DMD: variants seen among roughly 807,000 people sequenced by gnomAD.
DMD encodes mutant dystrophin.
DMD carries 63 observed loss-of-function variants against 330.1 expected under a neutral mutation model. That is an observed-to-expected ratio of 0.19 (90% CI 0.16 to 0.24). The LOEUF is 0.24. Among genes scored for constraint, DMD ranks in the 10% least tolerant of loss-of-function variants. DMD has a pLI of 1.00. For synonymous variants in DMD, 1,223 were observed against 959.8 expected (o/e 1.27, Z -5.07); for missense variants, 3,344 against 2,684.1 (o/e 1.25, Z -5.43).
At chrX:32,923,114 G>A (rs1212851475) in intron 2 of DMD, among the ~76,000 whole-genome samples, 2 of 111,603 alleles carry the variant, frequency 1.8e-5, no homozygotes, top group South Asian at 3.7e-4. Flanking sequence ...CACTTTTACC[G>A]TTAGAAAGAG....
intron 39 of DMD, 121 bp downstream of exon 39, chrX:32,345,822 C>G (rs950940690): frequency 4.6e-5 from 33 of 711,825 alleles, no homozygotes; most frequent in Middle Eastern, 9.5e-4. Flanking sequence ...ACACATTGAA[C>G]AGAAAAAGTG....
At chrX:33,124,956 G>A (rs762439710) in intron 1 of DMD, among the ~76,000 whole-genome samples, 8 of 104,115 alleles carry the variant, frequency 7.7e-5, no homozygotes, top group East Asian at 6.0e-4. Context: ...CCCAAGAGGC[G>A]GAGGTTGCGG....
chrX:31,727,071 AT>A (rs1276034435), intron 52 of DMD, among the ~76,000 whole-genome samples: 2 of 112,124 alleles, frequency 1.8e-5, no homozygotes, highest in South Asian at 3.7e-4. Context: ...TGTTGAACAA[AT>A]ACTGTATAAT....
chrX:32,344,151 T>C (rs1468190863), intron 39 of DMD, among the ~76,000 whole-genome samples: 1 of 112,390 alleles, frequency 8.9e-6, no homozygotes, highest in Non-Finnish European at 1.9e-5. Context: ...AATGCCATTT[T>C]ATAATTCATG....
chrX:31,974,898 TTA>T (rs57982168), intron 44 of DMD, among the ~76,000 whole-genome samples: 42,899 of 105,441 alleles, frequency 0.41, 6,969 homozygotes, highest in African/African-American at 0.57. Context: ...TTCATATCAA[TTA>T]TATATATATA....
chrX:32,712,834 G>T (rs1420759644), intron 7 of DMD, among the ~76,000 whole-genome samples: 1 of 110,876 alleles, frequency 9.0e-6, no homozygotes. Context: ...ACAGCCTCTA[G>T]GTTTTATATC....
At chrX:33,129,477 A>G (rs2095485948) in intron 1 of DMD, among the ~76,000 whole-genome samples, 1 of 106,597 alleles carries the variant, frequency 9.4e-6, no homozygotes, top group African/African-American at 3.4e-5. Flanking sequence ...GCCATGTTCT[A>G]TACTTATTTC....
At chrX:32,756,585 A>C (rs2071535552) in intron 7 of DMD, among the ~76,000 whole-genome samples, 1 of 111,098 alleles carries the variant, frequency 9.0e-6, no homozygotes, top group South Asian at 3.8e-4. Flanking sequence ...AAAAAATACA[A>C]GATTAATCTC....
intron 2 of DMD, among the ~76,000 whole-genome samples, chrX:32,900,100 A>C (rs775254091): frequency 1.8e-3 from 198 of 112,312 alleles, no homozygotes; most frequent in African/African-American, 6.2e-3. Flanking sequence ...TTTATATACA[A>C]AGGTCTTATT....
At chrX:32,558,012 G>C (rs1230430762) in intron 16 of DMD, among the ~76,000 whole-genome samples, 2 of 109,706 alleles carry the variant, frequency 1.8e-5, no homozygotes, top group Non-Finnish European at 3.8e-5. Flanking sequence ...AATAAGTACT[G>C]ACATTGAAAT....
intron 44 of DMD, among the ~76,000 whole-genome samples, chrX:32,063,360 G>A (rs936937041): frequency 1.8e-5 from 2 of 110,879 alleles, no homozygotes; most frequent in Non-Finnish European, 1.9e-5. Flanking sequence ...GTCCATAAAC[G>A]GAACCTCAGA....
At chrX:32,821,336 G>A (rs919533886) in intron 5 of DMD, among the ~76,000 whole-genome samples, 8 of 111,276 alleles carry the variant, frequency 7.2e-5, no homozygotes, top group Non-Finnish European at 1.3e-4. Context: ...TGCAATCCCA[G>A]CACTTTGGGA....
At chrX:32,316,710 C>A (rs1555254) in intron 41 of DMD, among the ~76,000 whole-genome samples, 5,660 of 110,769 alleles carry the variant, frequency 0.051, 355 homozygotes, top group African/African-American at 0.18. Flanking sequence ...CTGATATATA[C>A]AATAATGTTT....
At chrX:31,889,349 T>C (rs2094200810) in intron 47 of DMD, among the ~76,000 whole-genome samples, 1 of 111,205 alleles carries the variant, frequency 9.0e-6, no homozygotes, top group Admixed American at 9.6e-5. Context: ...TAATATTTTC[T>C]GACTGTTCAC....
chrX:33,296,534 G>A (rs1472730829), intron 1 of DMD, among the ~76,000 whole-genome samples: 2 of 110,207 alleles, frequency 1.8e-5, no homozygotes, highest in Non-Finnish European at 3.8e-5. Flanking sequence ...ATAGACTGTA[G>A]GAAGTATAAT....
intron 44 of DMD, among the ~76,000 whole-genome samples, chrX:32,202,488 A>G (rs2097045468): frequency 9.0e-6 from 1 of 111,159 alleles, no homozygotes; most frequent in Non-Finnish European, 1.9e-5. Context: ...AGTAGCTGGG[A>G]CTCTAGGCAT....
At chrX:32,651,680 G>A (rs961420015) in intron 9 of DMD, among the ~76,000 whole-genome samples, 1 of 111,154 alleles carries the variant, frequency 9.0e-6, no homozygotes, top group African/African-American at 3.3e-5. Flanking sequence ...GTACAGACCC[G>A]GTAAATCCTC....
At chrX:32,877,171 A>G (rs1603451901) in intron 2 of DMD, among the ~76,000 whole-genome samples, 1 of 111,907 alleles carries the variant, frequency 8.9e-6, no homozygotes. Context: ...TACAAAACTC[A>G]CTTGACTACA....
rs1033769903 is a variant in DMD at position 32,484,261 on chromosome X, G to A, written c.2803+658C>T. ...TTTTGTCTTAAAACTAAGTTGATGA[G>A]TAGAGATATTTTGGAGCAGATACTA... On this transcript the variant is annotated intron_variant, in intron 21 of 78. Coordinates refer to ENST00000357033, the MANE Select transcript of DMD (RefSeq NM_004006.3). Among the ~76,000 whole-genome samples the A allele has an allele frequency of 6.3e-4, 71 of 111,887 alleles. 1 individual carries two copies. The highest frequency in any genetic ancestry group is 2.2e-3 in the African/African-American group (69 of 30,854).
Sources: allele counts gnomAD v4.1 joint callset (sites outside exome capture counted in the v4.1 genomes callset), GRCh38; gene constraint gnomAD v4.1.1; transcripts MANE v1.5; gene names NCBI Gene and HGNC (gene_info 2026-07-23, HGNC 2026-07-21).